Variants in RBM38 observed in about 807,000 individuals in gnomAD.
RBM38 encodes RNA-binding protein 38.
A neutral mutation model predicts 23.5 loss-of-function variants in RBM38; 11 were observed. The ratio of observed to expected loss-of-function variants is 0.47; its 90% CI spans 0.29 to 0.77. RBM38 has a LOEUF of 0.77. Among genes scored for constraint, RBM38 ranks in the 30% least tolerant of loss-of-function variants. The pLI, the probability that RBM38 is intolerant of heterozygous loss-of-function variation, is 0.08. For missense variants in RBM38, 330 were observed against 351.9 expected, an observed-to-expected ratio of 0.94 and a Z score of 0.50; for synonymous variants, 165 against 166.1, an observed-to-expected ratio of 0.99 and a Z score of 0.05.
intron 3 of RBM38, among the ~76,000 whole-genome samples, chr20:57,406,601 C>T (rs529138939): frequency 6.6e-6 from 1 of 152,324 alleles, no homozygotes; most frequent in Non-Finnish European, 1.5e-5. Context: ...TCTCTGTGGT[C>T]ACCGCCATTG....
At chr20:57,392,385 C>T (rs1415015196) in intron 1 of RBM38, 15 of 1,501,626 alleles carry the variant, frequency 1.0e-5, no homozygotes, top group Non-Finnish European at 1.2e-5. Flanking sequence ...CATTTTTGCC[C>T]TATCCCCGCA....
At chr20:57,395,007 C>T (rs763591846) in intron 3 of RBM38, among the ~76,000 whole-genome samples, 1 of 152,232 alleles carries the variant, frequency 6.6e-6, no homozygotes, top group Admixed American at 6.5e-5. Context: ...CTGACTTTGC[C>T]CCTTACCAGC....
Position 57,392,787 on chromosome 20 carries a change from T to C in RBM38, c.361+10T>C. ...CGGAGCCTCCAGACGGGTGAGAGCTTGTGTTTTCCTGCCTGGCTCTTCTCG... is the reference window on the plus strand; with the variant it reads ...CGGAGCCTCCAGACGGGTGAGAGCTCGTGTTTTCCTGCCTGGCTCTTCTCG... On this transcript the variant is annotated intron_variant, in intron 2 of 3. Coordinates refer to ENST00000356208, the MANE Select transcript of RBM38 (RefSeq NM_017495.6). 1 of 1,610,510 alleles carries C rather than the reference T, an allele frequency of 6.2e-7. No individual in the cohort carries two copies. The highest frequency in any genetic ancestry group is 8.5e-7 in the Non-Finnish European group (1 of 1,179,028).
At chr20:57,396,851 C>T (rs1054825867) in intron 3 of RBM38, among the ~76,000 whole-genome samples, 2 of 152,210 alleles carry the variant, frequency 1.3e-5, no homozygotes, top group Non-Finnish European at 2.9e-5. Flanking sequence ...ATCCCACCCA[C>T]GTTCAGGGCA....
At chr20:57,403,244 C>A (rs916996121) in intron 3 of RBM38, among the ~76,000 whole-genome samples, 1 of 152,156 alleles carries the variant, frequency 6.6e-6, no homozygotes, top group Non-Finnish European at 1.5e-5. Flanking sequence ...TCTGTAGGAC[C>A]CAACTTACAG....
chr20:57,407,858 G>C lies in RBM38; in HGVS notation c.*12G>C, dbSNP rs1362495573. 1 of 1,544,554 alleles carries C rather than the reference G, an allele frequency of 6.5e-7. No individual in the cohort carries two copies. Among genetic ancestry groups the C allele is most frequent in the East Asian group, 2.4e-5 (1 of 41,314 alleles). On this transcript the variant is annotated 3_prime_UTR_variant, in exon 4 of 4. Coordinates refer to ENST00000356208, the MANE Select transcript of RBM38 (RefSeq NM_017495.6). This position sits in a 1 kb window ranked among gnomAD's most constrained non-coding sequence, Gnocchi z 4.0. ...ACAGGATGCAGTGAGGGGCGTTCCT[G>C]CCCCGAGGACTGTGGCATTGTCACC...
At chr20:57,392,836 C>T in intron 2 of RBM38, 59 bp downstream of exon 2, 4 of 1,585,238 alleles carry the variant, frequency 2.5e-6, no homozygotes, top group East Asian at 2.2e-5. Flanking sequence ...GTGTCGGTAT[C>T]TGTCGGGTGG....
intron 3 of RBM38, among the ~76,000 whole-genome samples, chr20:57,399,683 C>G (rs1021272877): frequency 1.3e-5 from 2 of 152,186 alleles, no homozygotes; most frequent in Non-Finnish European, 2.9e-5. Context: ...GGCTGGCTGC[C>G]CCACAGAACT....
intron 3 of RBM38, among the ~76,000 whole-genome samples, chr20:57,401,724 T>C (rs931927704): frequency 2.6e-5 from 4 of 151,972 alleles, no homozygotes; most frequent in African/African-American, 9.7e-5. Flanking sequence ...AGTGCATAGG[T>C]GCGAAGGTCC....
intron 3 of RBM38, among the ~76,000 whole-genome samples, chr20:57,396,620 C>G (rs2067277062): frequency 6.6e-6 from 1 of 152,212 alleles, no homozygotes. Context: ...CTCCCGTTCA[C>G]AGAGTGCCTC....
rs542204657 is a variant in RBM38 at position 57,395,630 on chromosome 20, C to T, written c.416+2297C>T. 8.0e-4 allele frequency among the ~76,000 whole-genome samples: 116 copies of T among 144,536 alleles called. 1 individual carries two copies. The highest frequency in any genetic ancestry group is 1.4e-3 in the Non-Finnish European group (92 of 67,948). The allele number at this position is 144,536 out of a possible 152,430, so 94.8% of individuals were successfully genotyped here. On this transcript the variant is annotated intron_variant, in intron 3 of 3. Transcript: ENST00000356208. ...TCTGAACTCAAGCCTCTGAGAATCG[C>T]GCCGCCTCCTGCCCCTGCCTGGGCC...
intron 1 of RBM38, chr20:57,392,443 T>G (rs1342506988): frequency 6.5e-7 from 1 of 1,531,042 alleles, no homozygotes; most frequent in African/African-American, 1.4e-5. Flanking sequence ...GCCTTGAACT[T>G]TGACGGGAGG....
chr20:57,407,466 A>G lies in RBM38; in HGVS notation c.417-77A>G, dbSNP rs1447517432. Reference sequence around the variant, plus strand: ...GGGCTCGGGGTGGGGGGCGGCACGCATCGTGTACCCCACTGTTCTCCCAGC... The same window carrying G: ...GGGCTCGGGGTGGGGGGCGGCACGCGTCGTGTACCCCACTGTTCTCCCAGC... On this transcript the variant is annotated intron_variant, in intron 3 of 3. Coordinates refer to ENST00000356208, the MANE Select transcript of RBM38 (RefSeq NM_017495.6). The surrounding 1 kb of genome is among the most constrained non-coding windows in gnomAD (Gnocchi z 4.0). 1.3e-6 allele frequency: 2 copies of G among 1,485,252 alleles called. No individual in the cohort carries two copies. The highest frequency in any genetic ancestry group is 1.8e-6 in the Non-Finnish European group (2 of 1,089,862). The allele number at this position is 1,485,252 out of a possible 1,614,324, so 92.0% of individuals were successfully genotyped here. A position where few individuals can be genotyped will look rare whatever the true frequency, so the allele number is the denominator to read the frequency against.
chr20:57,408,575 A>G lies in RBM38; in HGVS notation c.*729A>G, dbSNP rs1312319231. The G allele has an allele frequency of 2.6e-5, 4 of 152,264 alleles. No individual in the cohort carries two copies. Among genetic ancestry groups the G allele is most frequent in the Non-Finnish European group, 4.4e-5 (3 of 68,084 alleles). The allele number at this position is 152,264 out of a possible 1,614,324, so 9.4% of individuals were successfully genotyped here. On this transcript the variant is annotated 3_prime_UTR_variant, in exon 4 of 4. Transcript: ENST00000356208. ...TCAGCGGATACTGCCGCCACCAAGA[A>G]TCCAAAACCTATTTTTGACTTGGAG...
chr20:57,398,833 C>T (rs1241038193), intron 3 of RBM38, among the ~76,000 whole-genome samples: 1 of 152,238 alleles, frequency 6.6e-6, no homozygotes, highest in Non-Finnish European at 1.5e-5. Context: ...CAAGCTCGAG[C>T]TTTCCTCGTT....
chr20:57,392,851 A>G, intron 2 of RBM38, 74 bp downstream of exon 2: 1 of 1,560,922 alleles, frequency 6.4e-7, no homozygotes, highest in South Asian at 1.2e-5. Flanking sequence ...GGGTGGAAAG[A>G]GGCCCCCCCT....
At chr20:57,397,433 C>G (rs191074462) in intron 3 of RBM38, among the ~76,000 whole-genome samples, 2 of 152,324 alleles carry the variant, frequency 1.3e-5, no homozygotes, top group East Asian at 1.9e-4. Flanking sequence ...CACAAGGCCT[C>G]GAGACTGATG....
chr20:57,399,873 T>C, intron 3 of RBM38: 1 of 456,330 alleles, frequency 2.2e-6, no homozygotes, highest in Non-Finnish European at 4.4e-6. Flanking sequence ...GCAAGGCCCC[T>C]GGAGAGCAGG....
At position 57,408,154 on chromosome 20, in the gene RBM38, C is replaced by T. The variant is rs2067407571; in HGVS notation, c.*308C>T. On this transcript the variant is annotated 3_prime_UTR_variant, in exon 4 of 4. Transcript: ENST00000356208. Reference sequence around the variant, plus strand: ...TTGCACCTTCTCCTGCCTCTCCACACTCCAGGTTCCCTCAGGCTTGTGTCC... The same window carrying T: ...TTGCACCTTCTCCTGCCTCTCCACATTCCAGGTTCCCTCAGGCTTGTGTCC... 1 of 467,812 alleles carries T rather than the reference C, an allele frequency of 2.1e-6. No homozygotes were observed. The highest frequency in any genetic ancestry group is 2.2e-5 in the South Asian group (1 of 46,012). The allele number at this position is 467,812 out of a possible 1,614,324, so 29.0% of individuals were successfully genotyped here. A position where few individuals can be genotyped will look rare whatever the true frequency, so the allele number is the denominator to read the frequency against.
Sources: allele counts gnomAD v4.1 joint callset (sites outside exome capture counted in the v4.1 genomes callset), GRCh38; gene constraint gnomAD v4.1.1; non-coding constraint Gnocchi (gnomAD v3.1); transcripts MANE v1.5; gene names NCBI Gene and HGNC (gene_info 2026-07-23, HGNC 2026-07-21).